DRAM1: variants seen among roughly 807,000 people sequenced by gnomAD.
The protein encoded by DRAM1 is DNA damage regulated autophagy modulator 1.
DRAM1 carries 25 observed loss-of-function variants against 28.5 expected under a neutral mutation model. The ratio of observed to expected loss-of-function variants is 0.88; its 90% CI spans 0.64 to 1.23. The LOEUF (loss-of-function observed/expected upper bound fraction) is 1.23, where lower values mean the gene tolerates loss of function less well. Among genes scored for constraint, DRAM1 ranks in the 50% most tolerant of loss-of-function variants. The pLI, the probability that DRAM1 is intolerant of heterozygous loss-of-function variation, is 0.00. For synonymous variants in DRAM1, 113 were observed against 114.2 expected, an observed-to-expected ratio of 0.99 and a Z score of 0.07; for missense variants, 249 against 299.2, an observed-to-expected ratio of 0.83 and a Z score of 1.24.
At chr12:101,913,933 G>A (rs78919604) in intron 4 of DRAM1, among the ~76,000 whole-genome samples, 13,536 of 152,046 alleles carry the variant, frequency 0.089, 1,189 homozygotes, top group East Asian at 0.24. Flanking sequence ...AAACTATTGC[G>A]AAGGTATTTC....
intron 1 of DRAM1, among the ~76,000 whole-genome samples, chr12:101,886,734 A>C (rs1323109965): frequency 1.3e-5 from 2 of 152,334 alleles, no homozygotes; most frequent in Non-Finnish European, 2.9e-5. Flanking sequence ...AATTGTGTTT[A>C]TTCCCAAATT....
chr12:101,891,068 C>T (rs1873110773), intron 1 of DRAM1, among the ~76,000 whole-genome samples: 1 of 152,118 alleles, frequency 6.6e-6, no homozygotes, highest in African/African-American at 2.4e-5. Context: ...CATTCTAAAA[C>T]AGTCATCACC....
chr12:101,901,455 G>A (rs768938407), intron 3 of DRAM1, 22 bp downstream of exon 3: 3 of 1,612,412 alleles, frequency 1.9e-6, no homozygotes, highest in East Asian at 2.2e-5. Flanking sequence ...AGCTTTTTCA[G>A]TTATGAGGAG....
At chr12:101,893,083 A>G (rs140009893) in intron 1 of DRAM1, among the ~76,000 whole-genome samples, 24 of 152,354 alleles carry the variant, frequency 1.6e-4, no homozygotes, top group African/African-American at 5.5e-4. Context: ...TTACCATGGC[A>G]GTATTTGGCA....
intron 1 of DRAM1, among the ~76,000 whole-genome samples, chr12:101,888,577 G>C (rs1034799960): frequency 6.6e-6 from 1 of 152,148 alleles, no homozygotes; most frequent in Non-Finnish European, 1.5e-5. Flanking sequence ...GTGATGGATG[G>C]AGTGTTGTTC....
intron 5 of DRAM1, 109 bp downstream of exon 5, chr12:101,914,341 T>C (rs1874153182): frequency 1.5e-6 from 1 of 661,086 alleles, no homozygotes; most frequent in Non-Finnish European, 2.5e-6. Flanking sequence ...AGTTGCAAAA[T>C]GTCAAATAAA....
chr12:101,905,275 A>G (rs1400114156), intron 3 of DRAM1, among the ~76,000 whole-genome samples: 1 of 151,872 alleles, frequency 6.6e-6, no homozygotes, highest in African/African-American at 2.4e-5. Flanking sequence ...ATTTATTTGT[A>G]TTTGTATTTT....
intron 1 of DRAM1, among the ~76,000 whole-genome samples, chr12:101,895,566 A>ATTTTTGGTTT (rs61325494): frequency 0.021 from 2,152 of 103,144 alleles, 211 homozygotes; most frequent in African/African-American, 0.048. Flanking sequence ...AAGGGAGGCT[A>ATTTTTGGTTT]TTTTTTTTTT....
chr12:101,916,379 C>T (rs2121166069), intron 5 of DRAM1, among the ~76,000 whole-genome samples: 1 of 152,332 alleles, frequency 6.6e-6, no homozygotes, highest in South Asian at 2.1e-4. Context: ...TGGCATGCGC[C>T]TGTAGTCCCA....
chr12:101,911,440 C>T (rs1227844308), intron 4 of DRAM1, among the ~76,000 whole-genome samples: 1 of 152,226 alleles, frequency 6.6e-6, no homozygotes, highest in East Asian at 1.9e-4. Flanking sequence ...AACTCACCAA[C>T]AGCATAAAGT....
chr12:101,890,177 C>G (rs1483547229), intron 1 of DRAM1: 1 of 387,286 alleles, frequency 2.6e-6, no homozygotes, highest in Non-Finnish European at 5.0e-6. Flanking sequence ...CTCCTGGGTT[C>G]AAGCGATTCT....
In DRAM1 at chr12:101,901,461, A is replaced by G. The variant is rs748674772; in HGVS notation, c.342+28A>G. Reference sequence around the variant, plus strand: ...ATAATCTGGAGCTTTTTCAGTTATGAGGAGTGGTGGAGTGTATGTGTCTGA... The same window carrying G: ...ATAATCTGGAGCTTTTTCAGTTATGGGGAGTGGTGGAGTGTATGTGTCTGA... On this transcript the variant is annotated intron_variant, in intron 3 of 6. Transcript: ENST00000258534. 5.6e-6 allele frequency: 9 copies of G among 1,611,930 alleles called. No homozygotes were observed. The East Asian group carries it at 1.8e-4, about 32-fold the overall frequency.
At chr12:101,899,684 A>C (rs1203874776) in intron 2 of DRAM1, among the ~76,000 whole-genome samples, 12 of 139,240 alleles carry the variant, frequency 8.6e-5, no homozygotes, top group Admixed American at 6.9e-4. Flanking sequence ...GTCTCCACAA[A>C]AAAAAAAAAA....
chr12:101,917,008 A>C (rs1308971236), intron 5 of DRAM1, among the ~76,000 whole-genome samples: 2 of 152,268 alleles, frequency 1.3e-5, no homozygotes, highest in African/African-American at 2.4e-5. Context: ...GATCCCAGAG[A>C]CTAAAGGACA....
chr12:101,908,198 C>T lies in DRAM1; in HGVS notation c.355C>T (p.Pro119Ser). ...ACTTTTTCTCCAGGAGTTAGCTGTG[C>T]CAGTGGTTCATGACGGGGGCGCTCT... is the stretch of plus-strand genomic sequence containing the variant. ...IVANFQELAV[P>S]VVHDGGALLA... Residue 119 changes from proline (P) to serine (S), a missense_variant, in exon 4 of 7, where the codon CCA (proline) becomes TCA (serine). Pro to Ser is a moderately conservative substitution (Grantham distance 74). Around this residue, in one of 3 missense-constraint regions of DRAM1, gnomAD observed 218 missense variants for 243.1 expected, o/e 0.90. Coordinates refer to ENST00000258534, the MANE Select transcript of DRAM1 (RefSeq NM_018370.3). 1.9e-6 allele frequency: 3 copies of T among 1,608,850 alleles called. No individual in the cohort carries two copies. Among genetic ancestry groups the T allele is most frequent in the East Asian group, 2.2e-5 (1 of 44,838 alleles).
intron 2 of DRAM1, among the ~76,000 whole-genome samples, chr12:101,900,187 G>A (rs1274423693): frequency 6.6e-6 from 1 of 152,118 alleles, no homozygotes; most frequent in African/African-American, 2.4e-5. Context: ...TAGCTATTTG[G>A]AAAAACATAC....
intron 1 of DRAM1, among the ~76,000 whole-genome samples, chr12:101,885,386 C>A (rs777352813): frequency 3.3e-5 from 5 of 152,170 alleles, no homozygotes; most frequent in Admixed American, 6.5e-5. Context: ...TCTGCTACTA[C>A]GAAACCCTGC....
chr12:101,904,239 A>G (rs1034198758), intron 3 of DRAM1, among the ~76,000 whole-genome samples: 13 of 151,542 alleles, frequency 8.6e-5, no homozygotes, highest in Middle Eastern at 3.4e-3. Flanking sequence ...TGATCCTCCC[A>G]CCTCGGCCTC....
chr12:101,880,834 G>A lies in DRAM1; in HGVS notation c.131+2914G>A, dbSNP rs79651393. 0.019 allele frequency among the ~76,000 whole-genome samples: 2,916 copies of A among 152,270 alleles called. 226 individuals are homozygous for A. In the East Asian group the frequency reaches 0.23, roughly 12 times the overall value. ...GATGCTCAAATCACAGACCCTACAAGGAAGGGGTTTAAAATTTAACAAGGA... is the reference window on the plus strand; with the variant it reads ...GATGCTCAAATCACAGACCCTACAAAGAAGGGGTTTAAAATTTAACAAGGA... On this transcript the variant is annotated intron_variant, in intron 1 of 6. Transcript: ENST00000258534.
Sources: allele counts gnomAD v4.1 joint callset (sites outside exome capture counted in the v4.1 genomes callset), GRCh38; gene constraint gnomAD v4.1.1; regional missense constraint gnomAD v4.1.1; transcripts MANE v1.5; gene names NCBI Gene and HGNC (gene_info 2026-07-23, HGNC 2026-07-21).